Variants in PPARGC1A observed in about 807,000 individuals in gnomAD.
PPARGC1A encodes the protein PPARG coactivator 1 alpha.
PPARGC1A carries 25 observed loss-of-function variants against 88.7 expected under a neutral mutation model. That is an observed-to-expected ratio of 0.28 (90% CI 0.21 to 0.39). The LOEUF is 0.39. Among genes scored for constraint, PPARGC1A ranks in the 10% least tolerant of loss-of-function variants. PPARGC1A has a pLI of 1.00. For missense variants in PPARGC1A, 880 were observed against 968.7 expected (o/e 0.91, Z 1.22); for synonymous variants, 363 against 355.6 (o/e 1.02, Z -0.24).
chr4:23,829,412 G>A (rs781339997), intron 4 of PPARGC1A, 51 bp downstream of exon 4: 143 of 1,593,116 alleles, frequency 9.0e-5, no homozygotes, highest in Non-Finnish European at 1.2e-4. Context: ...ACTGCTTCAA[G>A]CCAAAATCCT....
chr4:24,279,981 C>T, the PPARGC1A span, among the ~76,000 whole-genome samples: 659 of 152,216 alleles, frequency 4.3e-3, 6 homozygotes, highest in African/African-American at 0.015. Context: ...GAGGCCCAGC[C>T]CAATTCAGCC....
At chr4:24,283,367 G>A in the PPARGC1A span, among the ~76,000 whole-genome samples, 1 of 152,150 alleles carries the variant, frequency 6.6e-6, no homozygotes, top group Non-Finnish European at 1.5e-5. Context: ...CATTTAAAGT[G>A]GGGGTCATAC....
the PPARGC1A span, among the ~76,000 whole-genome samples, chr4:24,465,017 C>T: frequency 6.6e-6 from 1 of 152,180 alleles, no homozygotes; most frequent in Non-Finnish European, 1.5e-5. Context: ...CAGGCACACG[C>T]CATCACACCT....
At chr4:24,039,910 CTGTATCATTTCAT>C in the PPARGC1A span, among the ~76,000 whole-genome samples, 1 of 152,120 alleles carries the variant, frequency 6.6e-6, no homozygotes, top group Non-Finnish European at 1.5e-5. Flanking sequence ...TGTCATTTCA[CTGTATCATTTCAT>C]AGCTTTCATT....
At chr4:24,189,221 T>C in the PPARGC1A span, among the ~76,000 whole-genome samples, 21,456 of 152,052 alleles carry the variant, frequency 0.14, 1,844 homozygotes, top group African/African-American at 0.23. Context: ...GTTCCGGAGA[T>C]GGATGGTGGC....
the PPARGC1A span, among the ~76,000 whole-genome samples, chr4:24,209,595 T>C: frequency 6.6e-6 from 1 of 152,170 alleles, no homozygotes; most frequent in African/African-American, 2.4e-5. Context: ...TATCCTGTGC[T>C]AGCTAGTAGA....
At chr4:24,317,824 C>G in the PPARGC1A span, among the ~76,000 whole-genome samples, 5 of 152,030 alleles carry the variant, frequency 3.3e-5, no homozygotes, top group Non-Finnish European at 7.4e-5. Flanking sequence ...ACGAACGTGC[C>G]CTCTGGCCTG....
the PPARGC1A span, among the ~76,000 whole-genome samples, chr4:24,091,013 G>A: frequency 6.6e-6 from 1 of 152,148 alleles, no homozygotes. Flanking sequence ...AGGCACGCAA[G>A]CTGCATTAAA....
the PPARGC1A span, among the ~76,000 whole-genome samples, chr4:24,327,745 A>AC: frequency 2.3e-3 from 351 of 150,628 alleles, 1 homozygote; most frequent in African/African-American, 7.8e-3. Flanking sequence ...TCTCCATACC[A>AC]CCCCCAAAAA....
the PPARGC1A span, among the ~76,000 whole-genome samples, chr4:24,351,399 A>G: frequency 6.6e-6 from 1 of 151,878 alleles, no homozygotes; most frequent in Non-Finnish European, 1.5e-5. Context: ...GTCTCAAAAA[A>G]AAAAAAAAAG....
chr4:24,320,270 A>G, the PPARGC1A span, among the ~76,000 whole-genome samples: 1 of 152,222 alleles, frequency 6.6e-6, no homozygotes, highest in Non-Finnish European at 1.5e-5. Flanking sequence ...TCTGTTTCAC[A>G]TCACAAGAAG....
the PPARGC1A span, among the ~76,000 whole-genome samples, chr4:24,357,540 A>G: frequency 1.3e-5 from 2 of 152,238 alleles, no homozygotes; most frequent in Non-Finnish European, 2.9e-5. Context: ...TGAAGGCTCT[A>G]CAAGGCATTT....
the PPARGC1A span, among the ~76,000 whole-genome samples, chr4:24,259,232 T>C: frequency 6.6e-6 from 1 of 152,218 alleles, no homozygotes; most frequent in Non-Finnish European, 1.5e-5. Context: ...CCAAAGCCGA[T>C]GATGTGAGGG....
At chr4:24,118,451 C>A in the PPARGC1A span, among the ~76,000 whole-genome samples, 1 of 152,186 alleles carries the variant, frequency 6.6e-6, no homozygotes, top group African/African-American at 2.4e-5. Flanking sequence ...CTCCTGGTCA[C>A]TGCCCTCTGC....
the PPARGC1A span, among the ~76,000 whole-genome samples, chr4:24,296,650 TC>T: frequency 1.3e-5 from 2 of 152,178 alleles, no homozygotes; most frequent in African/African-American, 4.8e-5. Flanking sequence ...CTATGATGCA[TC>T]CTTTAAATTA....
At chr4:24,100,781 G>A in the PPARGC1A span, among the ~76,000 whole-genome samples, 22 of 152,252 alleles carry the variant, frequency 1.4e-4, no homozygotes, top group South Asian at 1.7e-3. Flanking sequence ...AGGTAAGGCC[G>A]CTTGCGAGTA....
chr4:24,106,429 G>A, the PPARGC1A span, among the ~76,000 whole-genome samples: 1 of 152,198 alleles, frequency 6.6e-6, no homozygotes, highest in Non-Finnish European at 1.5e-5. Flanking sequence ...GGGGCAGGTC[G>A]AATGGCAACA....
At chr4:24,443,843 C>G in the PPARGC1A span, among the ~76,000 whole-genome samples, 1 of 148,092 alleles carries the variant, frequency 6.8e-6, no homozygotes, top group Non-Finnish European at 1.5e-5. Flanking sequence ...CTTGAGCCAC[C>G]GCGCCTGGCC....
At chr4:24,029,622 C>A in the PPARGC1A span, among the ~76,000 whole-genome samples, 39 of 152,252 alleles carry the variant, frequency 2.6e-4, no homozygotes, top group Non-Finnish European at 4.4e-4. Context: ...AAACATCCAA[C>A]AGACTTGATT....
Sources: gnomAD v4.1 joint callset for allele counts (sites outside exome capture counted in the v4.1 genomes callset) on GRCh38, gnomAD v4.1.1 for gene constraint, MANE v1.5 for transcripts, NCBI Gene and HGNC (gene_info 2026-07-23, HGNC 2026-07-21) for gene names.